PTPRN2: variants seen among roughly 807,000 people sequenced by gnomAD.
The protein encoded by PTPRN2 is protein tyrosine phosphatase receptor type N2.
PTPRN2 carries 74 observed loss-of-function variants against 118.8 expected under a neutral mutation model. The observed-to-expected ratio is 0.62, with a 90% CI of 0.52 to 0.76. The LOEUF is 0.76. Among genes scored for constraint, PTPRN2 ranks in the 30% least tolerant of loss-of-function variants. PTPRN2 has a pLI of 0.00. For synonymous variants in PTPRN2, 641 were observed against 608.0 expected, an observed-to-expected ratio of 1.05 and a Z score of -0.80; for missense variants, 1,481 against 1,394.4, an observed-to-expected ratio of 1.06 and a Z score of -0.99.
chr7:158,487,446 GT>G (rs372082580), intron 2 of PTPRN2, among the ~76,000 whole-genome samples: 1 of 152,180 alleles, frequency 6.6e-6, no homozygotes, highest in Non-Finnish European at 1.5e-5. Flanking sequence ...ATTTTCAGGG[GT>G]TTTTTAATAC....
In PTPRN2 at chr7:158,106,900, G is replaced by A. The variant is rs185258586; in HGVS notation, c.1643+3929C>T. On this transcript the variant is annotated intron_variant, in intron 10 of 22. Coordinates refer to ENST00000389418, the MANE Select transcript of PTPRN2 (RefSeq NM_002847.5). ...ATCTAATTCTCCTTCAGCATAAAGA[G>A]GAAGATTTTAAGATCCTGGAAGCAT... 3.3e-5 allele frequency among the ~76,000 whole-genome samples: 5 copies of A among 152,292 alleles called. No individual in the cohort carries two copies. The East Asian group carries it at 9.6e-4, about 29-fold the overall frequency.
chr7:158,441,366 AGTGGTGGCAGTGGTG>A, intron 2 of PTPRN2, among the ~76,000 whole-genome samples: 1 of 123,638 alleles, frequency 8.1e-6, no homozygotes, highest in East Asian at 2.7e-4. Context: ...TGGTGATGGC[AGTGGTGGCAGTGGTG>A]GTGGTGGTGA....
chr7:158,509,110 G>C lies in PTPRN2; in HGVS notation c.113-19325C>G, dbSNP rs1822992396. On this transcript the variant is annotated intron_variant, in intron 1 of 22. Coordinates refer to ENST00000389418, the MANE Select transcript of PTPRN2 (RefSeq NM_002847.5). The surrounding 1 kb of genome is among the most constrained non-coding windows in gnomAD (Gnocchi z 4.4). ...GAAGATGGGGACTGGGAGGGGAGAG[G>C]GAGAGAGAGAGCAGAAGGATGAGCT... 6.6e-6 allele frequency among the ~76,000 whole-genome samples: 1 copy of C among 151,844 alleles called. No individual in the cohort carries two copies. Among genetic ancestry groups the C allele is most frequent in the Admixed American group, 6.6e-5 (1 of 15,222 alleles).
At chr7:158,456,023 G>A (rs10247689) in intron 2 of PTPRN2, among the ~76,000 whole-genome samples, 34,962 of 149,274 alleles carry the variant, frequency 0.23, 4,566 homozygotes, top group East Asian at 0.36. Flanking sequence ...CAGCATGGAC[G>A]CCATCAGCCA....
At chr7:158,334,342 C>A (rs1440557036) in intron 2 of PTPRN2, among the ~76,000 whole-genome samples, 1 of 45,144 alleles carries the variant, frequency 2.2e-5, no homozygotes, top group African/African-American at 9.5e-5. Context: ...TCACTCACAC[C>A]CACACTCTCA....
intron 2 of PTPRN2, among the ~76,000 whole-genome samples, chr7:158,340,912 A>G (rs574199808): frequency 1.2e-5 from 1 of 85,050 alleles, no homozygotes; most frequent in African/African-American, 4.3e-5. Flanking sequence ...GAAGTCAGTC[A>G]CACCCACACA....
intron 12 of PTPRN2, among the ~76,000 whole-genome samples, chr7:157,749,153 GTTGA>G (rs2150982689): frequency 3.9e-5 from 1 of 25,346 alleles, no homozygotes; most frequent in African/African-American, 2.1e-4. Context: ...GCTGTGGGCT[GTTGA>G]GGTGATTCTG....
chr7:158,125,062 T>C (rs1261510014), intron 9 of PTPRN2, among the ~76,000 whole-genome samples: 2 of 152,088 alleles, frequency 1.3e-5, no homozygotes, highest in African/African-American at 2.4e-5. Flanking sequence ...CAGCTGGCCA[T>C]GGAGGGAGCC....
At chr7:157,712,397 G>C (rs186383663) in intron 12 of PTPRN2, among the ~76,000 whole-genome samples, 1 of 152,274 alleles carries the variant, frequency 6.6e-6, no homozygotes, top group African/African-American at 2.4e-5. Flanking sequence ...ATGTAATCAA[G>C]TGACCACGAA....
intron 3 of PTPRN2, among the ~76,000 whole-genome samples, chr7:158,267,716 T>C (rs1318019207): frequency 2.6e-5 from 4 of 152,184 alleles, no homozygotes; most frequent in Non-Finnish European, 5.9e-5. Context: ...TTCCATCATT[T>C]AAGTAGATTA....
At chr7:158,292,604 C>A (rs1189118302) in intron 3 of PTPRN2, among the ~76,000 whole-genome samples, 1 of 152,184 alleles carries the variant, frequency 6.6e-6, no homozygotes, top group Non-Finnish European at 1.5e-5. Flanking sequence ...TACGCACCCC[C>A]AGATGGGACA....
rs1276079861 is a variant in PTPRN2, at chr7:157,539,660, C to T, written c.*1054G>A. On this transcript the variant is annotated 3_prime_UTR_variant, in exon 23 of 23. Transcript: ENST00000389418. ...GGGCCGGTCGGCTGGTTTCTCACTTCCCTTCCAGGCTCTACGCAGTGCGTG... is the reference window on the plus strand; with the variant it reads ...GGGCCGGTCGGCTGGTTTCTCACTTTCCTTCCAGGCTCTACGCAGTGCGTG... 6.6e-6 allele frequency: 1 copy of T among 151,764 alleles called. No homozygotes were observed. Among genetic ancestry groups the T allele is most frequent in the Non-Finnish European group, 1.5e-5 (1 of 68,072 alleles). The allele number at this position is 151,764 out of a possible 1,614,324, so 9.4% of individuals were successfully genotyped here. A position where few individuals can be genotyped will look rare whatever the true frequency, so the allele number is the denominator to read the frequency against.
At chr7:158,129,159 CCA>C (rs1204050447) in intron 9 of PTPRN2, among the ~76,000 whole-genome samples, 1 of 146,498 alleles carries the variant, frequency 6.8e-6, no homozygotes, top group Non-Finnish European at 1.5e-5. Flanking sequence ...ACACTACACA[CCA>C]CACACATACA....
intron 16 of PTPRN2, among the ~76,000 whole-genome samples, chr7:157,599,056 C>T (rs1453254286): frequency 6.6e-6 from 1 of 151,030 alleles, no homozygotes; most frequent in African/African-American, 2.4e-5. Flanking sequence ...GTCATCCATG[C>T]TGGAGTGCAG....
At chr7:157,997,795 G>A (rs992195676) in intron 11 of PTPRN2, among the ~76,000 whole-genome samples, 44 of 149,474 alleles carry the variant, frequency 2.9e-4, no homozygotes, top group Non-Finnish European at 4.1e-4. Context: ...ATGTGGGGCC[G>A]GAGGAATGGA....
chr7:158,121,585 A>G (rs1174991606), intron 9 of PTPRN2, among the ~76,000 whole-genome samples: 1 of 152,202 alleles, frequency 6.6e-6, no homozygotes, highest in African/African-American at 2.4e-5. Flanking sequence ...AGGGGATGGT[A>G]TGAGGACATG....
chr7:158,467,894 G>A (rs766786701), intron 2 of PTPRN2, among the ~76,000 whole-genome samples: 2 of 152,142 alleles, frequency 1.3e-5, no homozygotes, highest in Non-Finnish European at 2.9e-5. Flanking sequence ...TTGCTGTTGC[G>A]TTTGTTACAC....
intron 1 of PTPRN2, among the ~76,000 whole-genome samples, chr7:158,551,154 G>T (rs562484709): frequency 3.8e-4 from 58 of 152,378 alleles, no homozygotes; most frequent in African/African-American, 1.3e-3. Context: ...CAAGATCAGG[G>T]TGCTGGCACA....
At chr7:157,811,596 C>A (rs1314878887) in intron 12 of PTPRN2, among the ~76,000 whole-genome samples, 5 of 152,034 alleles carry the variant, frequency 3.3e-5, no homozygotes, top group Non-Finnish European at 7.4e-5. Flanking sequence ...CACACAGGAA[C>A]GTGCGTGAGC....
Sources: gnomAD v4.1 joint callset for allele counts (sites outside exome capture counted in the v4.1 genomes callset) on GRCh38, gnomAD v4.1.1 for gene constraint, Gnocchi (gnomAD v3.1) non-coding constraint, MANE v1.5 for transcripts, NCBI Gene and HGNC (gene_info 2026-07-23, HGNC 2026-07-21) for gene names.